Variants in PDE7B observed in about 807,000 individuals in gnomAD.
The protein encoded by PDE7B is 3',5'-cyclic-AMP phosphodiesterase 7B.
PDE7B carries 29 observed loss-of-function variants against 56.2 expected under a neutral mutation model. The ratio of observed to expected loss-of-function variants is 0.52; its 90% confidence interval spans 0.38 to 0.70. PDE7B has a LOEUF of 0.70. Among genes scored for constraint, PDE7B ranks in the 30% least tolerant of loss-of-function variants. PDE7B has a pLI of 0.00. For missense variants in PDE7B, 490 were observed against 565.0 expected (o/e 0.87, Z 1.35); for synonymous variants, 197 against 196.9 (o/e 1.00, Z 0.00).
At chr6:135,941,397 C>T (rs1333969822) in intron 1 of PDE7B, among the ~76,000 whole-genome samples, 2 of 152,260 alleles carry the variant, frequency 1.3e-5, no homozygotes, top group South Asian at 2.1e-4. Context: ...GTGTTTAGTT[C>T]CCAGCTTCAT....
chr6:136,064,760 G>C (rs144559532), intron 2 of PDE7B: 1 of 152,206 alleles, frequency 6.6e-6, no homozygotes, highest in African/African-American at 2.4e-5. Flanking sequence ...TTTCTGGAGG[G>C]CCTTTCCTGA....
chr6:135,947,442 C>T (rs756059452), intron 1 of PDE7B, 22 bp from the exon 2 acceptor site: 7 of 1,584,538 alleles, frequency 4.4e-6, no homozygotes, highest in Non-Finnish European at 6.1e-6. Flanking sequence ...TTAAAATAAC[C>T]TTGGCTATCT....
intron 2 of PDE7B, chr6:136,038,470 G>A: frequency 7.8e-7 from 1 of 1,290,002 alleles, no homozygotes; most frequent in South Asian, 1.2e-5. Context: ...AAAGTGAGCT[G>A]CAGGCGACCA....
chr6:136,101,045 T>C (rs1777552772), intron 2 of PDE7B, among the ~76,000 whole-genome samples: 1 of 152,270 alleles, frequency 6.6e-6, no homozygotes. Flanking sequence ...TTGTTGGTTC[T>C]GTTGATGTAA....
intron 8 of PDE7B, among the ~76,000 whole-genome samples, chr6:136,169,971 G>A (rs1778853908): frequency 6.6e-6 from 1 of 152,168 alleles, no homozygotes; most frequent in African/African-American, 2.4e-5. Context: ...AGATGGATAT[G>A]AGACTCAGTC....
chr6:135,886,307 A>G (rs1775708797), intron 1 of PDE7B, among the ~76,000 whole-genome samples: 1 of 152,156 alleles, frequency 6.6e-6, no homozygotes, highest in Non-Finnish European at 1.5e-5. Flanking sequence ...TGATAACAAC[A>G]TGTTACAGCA....
intron 3 of PDE7B, among the ~76,000 whole-genome samples, chr6:136,139,168 G>C (rs1032525868): frequency 1.3e-5 from 2 of 152,108 alleles, no homozygotes; most frequent in African/African-American, 4.8e-5. Flanking sequence ...GCCCTCCTGT[G>C]TCCATGTGTT....
intron 12 of PDE7B, among the ~76,000 whole-genome samples, chr6:136,188,637 C>T (rs1205372935): frequency 1.3e-5 from 2 of 152,226 alleles, no homozygotes; most frequent in East Asian, 3.8e-4. Context: ...TGGTTCAGCA[C>T]ACAACCTGGA....
At chr6:136,163,176 A>G (rs1490443636) in intron 8 of PDE7B, among the ~76,000 whole-genome samples, 2 of 152,222 alleles carry the variant, frequency 1.3e-5, no homozygotes, top group Non-Finnish European at 2.9e-5. Context: ...GTTTTCCATG[A>G]GGGTTCTGCC....
At chr6:135,952,510 G>T (rs1406742686) in intron 2 of PDE7B, among the ~76,000 whole-genome samples, 1 of 152,060 alleles carries the variant, frequency 6.6e-6, no homozygotes, top group African/African-American at 2.4e-5. Flanking sequence ...AGGGTTTATT[G>T]TTCAGCAAGA....
At chr6:135,951,664 G>C (rs1188768478) in intron 2 of PDE7B, among the ~76,000 whole-genome samples, 1 of 151,916 alleles carries the variant, frequency 6.6e-6, no homozygotes, top group African/African-American at 2.4e-5. Flanking sequence ...CAAATTATAA[G>C]CCTTAATTTT....
At chr6:136,053,213 C>A (rs1776664616) in intron 2 of PDE7B, among the ~76,000 whole-genome samples, 1 of 116,660 alleles carries the variant, frequency 8.6e-6, no homozygotes, top group South Asian at 3.6e-4. Flanking sequence ...TCCCCCCTCC[C>A]CCCACCCCAC....
intron 2 of PDE7B, among the ~76,000 whole-genome samples, chr6:136,008,376 A>G (rs148878353): frequency 0.025 from 3,811 of 152,292 alleles, 88 homozygotes; most frequent in South Asian, 0.046. Context: ...GTCAAATGGT[A>G]TTTCTAGTTC....
rs143258233 is a variant in PDE7B at position 135,932,001 on chromosome 6, C to A, written c.22-15463C>A. On this transcript the variant is annotated intron_variant, in intron 1 of 12. Coordinates refer to ENST00000308191, the MANE Select transcript of PDE7B (RefSeq NM_018945.4). ...CACACACATAGGTATATACACTATT[C>A]CAAAAGCAGAGCCGAATATATTAAT... 1.1e-3 allele frequency among the ~76,000 whole-genome samples: 164 copies of A among 151,362 alleles called. 1 individual carries two copies. The highest frequency in any genetic ancestry group is 3.3e-3 in the African/African-American group (137 of 41,186).
rs1775440565 is a variant in PDE7B, at chr6:135,873,973, T to C, written c.21+21954T>C. Among the ~76,000 whole-genome samples the C allele has an allele frequency of 2.0e-5, 3 of 152,170 alleles. No homozygotes were observed. The South Asian group carries it at 6.2e-4, about 31-fold the overall frequency. ...CAGCAGTAAGCAAAATAGATCATAA[T>C]AAATTCAATCCATATGTAAAAGATG... On this transcript the variant is annotated intron_variant, in intron 1 of 12. Transcript: ENST00000308191.
chr6:135,983,490 C>G (rs1032128685), intron 2 of PDE7B, among the ~76,000 whole-genome samples: 1 of 152,136 alleles, frequency 6.6e-6, no homozygotes, highest in Admixed American at 6.6e-5. Context: ...TGGGCAGTAT[C>G]GAGTACTTGA....
intron 1 of PDE7B, among the ~76,000 whole-genome samples, chr6:135,865,621 G>A (rs1375258791): frequency 7.2e-6 from 1 of 139,738 alleles, no homozygotes; most frequent in Non-Finnish European, 1.6e-5. Flanking sequence ...GGCATTGTGT[G>A]TGTGTGTGTG....
intron 2 of PDE7B, among the ~76,000 whole-genome samples, chr6:135,954,560 C>G (rs1201327320): frequency 6.6e-6 from 1 of 152,146 alleles, no homozygotes; most frequent in Non-Finnish European, 1.5e-5. Context: ...TCATTGAGCA[C>G]TGCTGTATGC....
At chr6:136,160,326 TA>T (rs1320557237) in intron 8 of PDE7B, among the ~76,000 whole-genome samples, 1 of 152,220 alleles carries the variant, frequency 6.6e-6, no homozygotes, top group African/African-American at 2.4e-5. Context: ...ACCACATGTT[TA>T]GATCTCCATG....
Sources: allele counts gnomAD v4.1 joint callset (sites outside exome capture counted in the v4.1 genomes callset), GRCh38; gene constraint gnomAD v4.1.1; transcripts MANE v1.5; gene names NCBI Gene and HGNC (gene_info 2026-07-23, HGNC 2026-07-21).